ATF7IP2: variants seen among roughly 807,000 people sequenced by gnomAD.
ATF7IP2 encodes activating transcription factor 7-interacting protein 2.
A neutral mutation model predicts 64.2 loss-of-function variants in ATF7IP2; 42 were observed. The observed-to-expected ratio is 0.65, with a 90% confidence interval of 0.51 to 0.85. The LOEUF (loss-of-function observed/expected upper bound fraction) is 0.85, where lower values mean the gene tolerates loss of function less well. Ranked by LOEUF, ATF7IP2 falls within the 40% of genes least tolerant of loss-of-function variation. The probability of loss-of-function intolerance (pLI) is 0.00; values close to 1 mark genes in which losing one functional copy is unlikely to be tolerated. For missense variants in ATF7IP2, 933 were observed against 784.2 expected (o/e 1.19, Z -2.27); for synonymous variants, 308 against 272.8 (o/e 1.13, Z -1.27).
intron 1 of ATF7IP2, among the ~76,000 whole-genome samples, chr16:10,404,907 A>G (rs1160406172): frequency 1.3e-5 from 2 of 152,162 alleles, no homozygotes; most frequent in African/African-American, 4.8e-5. Flanking sequence ...AAGTGCTGAA[A>G]GAAAAAAAAC....
intron 10 of ATF7IP2, among the ~76,000 whole-genome samples, chr16:10,472,585 GTGGCTCACACC>G (rs2049840578): frequency 6.6e-6 from 1 of 152,024 alleles, no homozygotes; most frequent in African/African-American, 2.4e-5. Context: ...TCTGGGTGTG[GTGGCTCACACC>G]TGTAATCCAA....
At chr16:10,439,262 C>T (rs1156534369) in intron 7 of ATF7IP2, among the ~76,000 whole-genome samples, 1 of 152,022 alleles carries the variant, frequency 6.6e-6, no homozygotes, top group Non-Finnish European at 1.5e-5. Flanking sequence ...TGGAGTCTCG[C>T]TCTGTCGCCC....
chr16:10,457,092 A>G (rs137928422), intron 8 of ATF7IP2, among the ~76,000 whole-genome samples: 48 of 152,260 alleles, frequency 3.2e-4, no homozygotes, highest in Admixed American at 2.9e-3. Context: ...AGTTAGTCTA[A>G]TAGGAATAAA....
At chr16:10,416,518 C>T (rs569794497) in intron 2 of ATF7IP2, among the ~76,000 whole-genome samples, 2 of 152,144 alleles carry the variant, frequency 1.3e-5, no homozygotes, top group Admixed American at 1.3e-4. Flanking sequence ...ATGGGCCAGG[C>T]ACAGTGGCTT....
chr16:10,478,286 G>A (rs1457523052), intron 12 of ATF7IP2, among the ~76,000 whole-genome samples: 3 of 150,588 alleles, frequency 2.0e-5, no homozygotes, highest in African/African-American at 7.3e-5. Flanking sequence ...AAACAGCATG[G>A]TACTGGTACC....
chr16:10,441,086 CT>C (rs1233727724), intron 8 of ATF7IP2, among the ~76,000 whole-genome samples: 3 of 152,140 alleles, frequency 2.0e-5, no homozygotes, highest in Admixed American at 1.3e-4. Context: ...TGAATTCATC[CT>C]TTTTTTGGCT....
chr16:10,391,371 A>C (rs748695202), intron 1 of ATF7IP2, among the ~76,000 whole-genome samples: 7 of 151,658 alleles, frequency 4.6e-5, no homozygotes, highest in Non-Finnish European at 8.8e-5. Context: ...CGGTGAGCGG[A>C]GATCTTGCAT....
chr16:10,470,074 G>C (rs1307009673), intron 9 of ATF7IP2, among the ~76,000 whole-genome samples: 1 of 152,060 alleles, frequency 6.6e-6, no homozygotes, highest in African/African-American at 2.4e-5. Flanking sequence ...ATAGAAATTT[G>C]GATCTGTACA....
intron 1 of ATF7IP2, chr16:10,386,456 G>C (rs951651543): frequency 6.6e-6 from 1 of 152,244 alleles, no homozygotes; most frequent in Admixed American, 6.5e-5. Context: ...TGAGGGGTAA[G>C]TAAAAGCTCG....
rs1364029500 is a variant in ATF7IP2, at chr16:10,473,612, T to G, written c.1482+78T>G. ...AGGAACTTTAGTGTTTGCTACATGT[T>G]GGATGATTTAGTTTTAGTCCACGTT... On this transcript the variant is annotated intron_variant, in intron 11 of 13. Coordinates refer to ENST00000562102, the MANE Select transcript of ATF7IP2 (RefSeq NM_001393719.1). 7 of 1,065,722 alleles carry G rather than the reference T, an allele frequency of 6.6e-6. No individual in the cohort carries two copies. The East Asian group carries it at 1.5e-4, about 22-fold the overall frequency. The allele number at this position is 1,065,722 out of a possible 1,614,324, so 66.0% of individuals were successfully genotyped here.
chr16:10,443,604 T>G (rs140879712), intron 8 of ATF7IP2, among the ~76,000 whole-genome samples: 29 of 152,326 alleles, frequency 1.9e-4, no homozygotes, highest in African/African-American at 7.0e-4. Context: ...GTTTTAAATC[T>G]TTTACTTTTA....
intron 3 of ATF7IP2, among the ~76,000 whole-genome samples, chr16:10,428,463 A>G (rs1307235572): frequency 6.6e-6 from 1 of 152,194 alleles, no homozygotes; most frequent in Non-Finnish European, 1.5e-5. Flanking sequence ...TAGTCATTTA[A>G]GACCCCTGTC....
intron 8 of ATF7IP2, among the ~76,000 whole-genome samples, chr16:10,454,921 A>G (rs1396842310): frequency 6.6e-6 from 1 of 152,210 alleles, no homozygotes; most frequent in Admixed American, 6.5e-5. Flanking sequence ...TCATTTGGTC[A>G]GAGAACATAC....
intron 3 of ATF7IP2, among the ~76,000 whole-genome samples, chr16:10,423,623 C>T (rs1168782461): frequency 6.6e-6 from 1 of 152,172 alleles, no homozygotes; most frequent in Non-Finnish European, 1.5e-5. Context: ...AGGGTCAGGC[C>T]ACTCTTTTTC....
At chr16:10,399,834 C>A (rs1274675645) in intron 1 of ATF7IP2, among the ~76,000 whole-genome samples, 1 of 152,058 alleles carries the variant, frequency 6.6e-6, no homozygotes. Context: ...GGATATTTTT[C>A]CATTTGTGTC....
chr16:10,419,430 A>G (rs769227860), intron 2 of ATF7IP2, among the ~76,000 whole-genome samples, 151 bp from the exon 3 acceptor site: 10 of 152,202 alleles, frequency 6.6e-5, no homozygotes, highest in Non-Finnish European at 1.2e-4. Flanking sequence ...GTTACAGGCC[A>G]TAGAAGTGGT....
intron 1 of ATF7IP2, among the ~76,000 whole-genome samples, chr16:10,390,655 G>A (rs1596411777): frequency 1.3e-5 from 2 of 152,218 alleles, no homozygotes. Context: ...CAGCCATGGA[G>A]GGACACACTT....
At chr16:10,440,231 C>T in intron 7 of ATF7IP2, 133 bp from the exon 8 acceptor site, 1 of 452,266 alleles carries the variant, frequency 2.2e-6, no homozygotes, top group African/African-American at 2.1e-5. Flanking sequence ...CAAGCTTTTG[C>T]ATATATTAGA....
chr16:10,450,946 C>T lies in ATF7IP2; in HGVS notation c.1195-6426C>T, dbSNP rs1290401634. ...ACAATTTGGTATGTTTTTGCAGTGG[C>T]TGGTACTGGTTGTTCCTTTCCATGT... is the stretch of plus-strand genomic sequence containing the variant. On this transcript the variant is annotated intron_variant, in intron 8 of 13. Coordinates refer to ENST00000562102, the MANE Select transcript of ATF7IP2 (RefSeq NM_001393719.1). Among the ~76,000 whole-genome samples the T allele has an allele frequency of 3.3e-5, 5 of 152,220 alleles. No individual in the cohort carries two copies. In the South Asian group the frequency reaches 1.0e-3, roughly 31 times the overall value.
Sources: allele counts gnomAD v4.1 joint callset (sites outside exome capture counted in the v4.1 genomes callset), GRCh38; gene constraint gnomAD v4.1.1; transcripts MANE v1.5; gene names NCBI Gene and HGNC (gene_info 2026-07-23, HGNC 2026-07-21).